Variants in CARMIL1 observed in about 807,000 individuals in gnomAD.
CARMIL1 encodes capping protein regulator and myosin 1 linker 1, also known as F-actin-uncapping protein LRRC16A.
In CARMIL1, 90 loss-of-function variants were observed where a neutral mutation model predicts 177.1. The observed-to-expected ratio is 0.51, with a 90% CI of 0.43 to 0.61. CARMIL1 has a LOEUF of 0.61. Among genes scored for constraint, CARMIL1 ranks in the 20% least tolerant of loss-of-function variants. The probability of loss-of-function intolerance (pLI) is 0.00; values close to 1 mark genes in which losing one functional copy is unlikely to be tolerated. For missense variants in CARMIL1, 1,380 were observed against 1,667.0 expected, an observed-to-expected ratio of 0.83 and a Z score of 3.00; for synonymous variants, 577 against 606.2, an observed-to-expected ratio of 0.95 and a Z score of 0.71.
At chr6:25,405,406 A>G (rs1462316675) in intron 2 of CARMIL1, among the ~76,000 whole-genome samples, 1 of 152,132 alleles carries the variant, frequency 6.6e-6, no homozygotes, top group East Asian at 1.9e-4. Context: ...TTTATTGATT[A>G]TTTAGTTTTG....
At chr6:25,616,186 A>T (rs907392982) in intron 36 of CARMIL1, among the ~76,000 whole-genome samples, 2 of 152,212 alleles carry the variant, frequency 1.3e-5, no homozygotes, top group Admixed American at 1.3e-4. Flanking sequence ...GATTTTTTTC[A>T]TCCTGTATAA....
intron 36 of CARMIL1, 29 bp from the exon 37 acceptor site, chr6:25,619,418 A>G (rs1479307147): frequency 1.9e-6 from 3 of 1,604,588 alleles, no homozygotes; most frequent in Middle Eastern, 1.7e-4. Flanking sequence ...CTTTGTCAGT[A>G]AACTGTGCGA....
chr6:25,400,168 C>A (rs4712929), intron 2 of CARMIL1, among the ~76,000 whole-genome samples: 12,804 of 152,212 alleles, frequency 0.084, 730 homozygotes, highest in Admixed American at 0.12. Flanking sequence ...AGCCTCAATT[C>A]CTTTCTGTCT....
chr6:25,515,928 C>G lies in CARMIL1; in HGVS notation c.1805+81C>G. 2 of 1,415,654 alleles carry G rather than the reference C, an allele frequency of 1.4e-6. No homozygotes were observed. The highest frequency in any genetic ancestry group is 4.5e-5 in the Admixed American group (2 of 44,390). The allele number at this position is 1,415,654 out of a possible 1,614,324, so 87.7% of individuals were successfully genotyped here. On this transcript the variant is annotated intron_variant, in intron 21 of 36. Coordinates refer to ENST00000329474, the MANE Select transcript of CARMIL1 (RefSeq NM_017640.6). This position sits in a 1 kb window ranked among gnomAD's most constrained non-coding sequence, Gnocchi z 5.0. ...AGCAAGCATTGCAGAGCTGCTGGGC[C>G]CGAGGGGACCTGGGCTTCCCATGAG...
rs1406350593 is a variant in CARMIL1, at chr6:25,465,859, G to A, written c.615-14G>A. On this transcript the variant is annotated splice_polypyrimidine_tract_variant and intron_variant, in intron 8 of 36. Coordinates refer to ENST00000329474, the MANE Select transcript of CARMIL1 (RefSeq NM_017640.6). ...TAGGAGCACTTTCATGTACTTTGTTGTTTCTGCTTCCAGGGACCTAATACC... is the reference window on the plus strand; with the variant it reads ...TAGGAGCACTTTCATGTACTTTGTTATTTCTGCTTCCAGGGACCTAATACC... 1 of 1,580,534 alleles carries A rather than the reference G, an allele frequency of 6.3e-7. No individual in the cohort carries two copies. Among genetic ancestry groups the A allele is most frequent in the Non-Finnish European group, 8.7e-7 (1 of 1,150,372 alleles).
intron 32 of CARMIL1, among the ~76,000 whole-genome samples, chr6:25,597,198 G>A (rs760985522): frequency 1.3e-5 from 2 of 152,050 alleles, no homozygotes; most frequent in Admixed American, 6.6e-5. Context: ...ACTCTCTCAA[G>A]AATGTATCCA....
intron 17 of CARMIL1, among the ~76,000 whole-genome samples, chr6:25,501,694 A>AC (rs1804353241): frequency 6.6e-6 from 1 of 151,788 alleles, no homozygotes; most frequent in Admixed American, 6.6e-5. Flanking sequence ...TATTAAATTA[A>AC]CTCCTGTATG....
chr6:25,586,677 G>C (rs1366862362), intron 31 of CARMIL1, among the ~76,000 whole-genome samples: 1 of 152,184 alleles, frequency 6.6e-6, no homozygotes, highest in Non-Finnish European at 1.5e-5. Flanking sequence ...TGAGCATTGA[G>C]TGAGCGAGAC....
chr6:25,451,395 T>C (rs1371140952), intron 8 of CARMIL1, among the ~76,000 whole-genome samples: 2 of 152,228 alleles, frequency 1.3e-5, no homozygotes, highest in Non-Finnish European at 2.9e-5. Flanking sequence ...GAGATATGAC[T>C]TTTAGTTCAG....
intron 2 of CARMIL1, among the ~76,000 whole-genome samples, chr6:25,291,700 T>C (rs1183465227): frequency 6.6e-6 from 1 of 152,226 alleles, no homozygotes; most frequent in Non-Finnish European, 1.5e-5. Flanking sequence ...GATTGTATTT[T>C]GGGAGTTCAT....
intron 11 of CARMIL1, among the ~76,000 whole-genome samples, chr6:25,474,663 A>G (rs1281115750): frequency 6.6e-6 from 1 of 152,234 alleles, no homozygotes; most frequent in African/African-American, 2.4e-5. Flanking sequence ...GACGCATAGT[A>G]ATGGAATAGG....
intron 32 of CARMIL1, among the ~76,000 whole-genome samples, chr6:25,598,277 CA>C (rs1481647619): frequency 6.6e-6 from 1 of 152,040 alleles, no homozygotes; most frequent in Non-Finnish European, 1.5e-5. Flanking sequence ...CTCACTCTGT[CA>C]CCCAGGCTAT....
chr6:25,301,168 T>A (rs1782831172), intron 2 of CARMIL1, among the ~76,000 whole-genome samples: 1 of 152,132 alleles, frequency 6.6e-6, no homozygotes. Context: ...CAGCATGTAT[T>A]GGGAAGAGAT....
Position 25,450,332 on chromosome 6 carries a change from G to GT in CARMIL1, c.470-4dup. ...AGACCTGTCAGTGTTTTTGTTGTAT[G>GT]TTTCAGGTGGATTTTCTCAGATGTA... On this transcript the variant is annotated splice_region_variant and splice_polypyrimidine_tract_variant and intron_variant, in intron 6 of 36. Coordinates refer to ENST00000329474, the MANE Select transcript of CARMIL1 (RefSeq NM_017640.6). 1.9e-6 allele frequency: 3 copies of GT among 1,610,504 alleles called. No homozygotes were observed. Among genetic ancestry groups the GT allele is most frequent in the Non-Finnish European group, 2.5e-6 (3 of 1,177,016 alleles).
At chr6:25,506,208 C>T (rs1353390982) in intron 17 of CARMIL1, among the ~76,000 whole-genome samples, 1 of 152,190 alleles carries the variant, frequency 6.6e-6, no homozygotes, top group Non-Finnish European at 1.5e-5. Context: ...TGACAGGATG[C>T]ATGTATGAAA....
At chr6:25,438,453 A>G (rs1254044877) in intron 5 of CARMIL1, among the ~76,000 whole-genome samples, 1 of 152,218 alleles carries the variant, frequency 6.6e-6, no homozygotes, top group South Asian at 2.1e-4. Flanking sequence ...AGAGAAATAG[A>G]TGGGACTCGT....
At chr6:25,574,690 C>A (rs1453810615) in intron 29 of CARMIL1, among the ~76,000 whole-genome samples, 1 of 152,194 alleles carries the variant, frequency 6.6e-6, no homozygotes, top group Non-Finnish European at 1.5e-5. Flanking sequence ...TAAATGGCAT[C>A]GTACCACGTG....
At chr6:25,369,374 A>AT (rs1364472995) in intron 2 of CARMIL1, among the ~76,000 whole-genome samples, 1,080 of 95,956 alleles carry the variant, frequency 0.011, 16 homozygotes, top group African/African-American at 0.039. Context: ...GCAATGCTGT[A>AT]TTTTGTTTTT....
chr6:25,600,842 C>A, intron 33 of CARMIL1, 96 bp downstream of exon 33: 3 of 1,089,904 alleles, frequency 2.8e-6, no homozygotes, highest in Non-Finnish European at 2.5e-6. Flanking sequence ...GTATGTCTAT[C>A]ACCTTAAACA....
Sources: allele counts gnomAD v4.1 joint callset (sites outside exome capture counted in the v4.1 genomes callset), GRCh38; gene constraint gnomAD v4.1.1; non-coding constraint Gnocchi (gnomAD v3.1); transcripts MANE v1.5; gene names NCBI Gene and HGNC (gene_info 2026-07-23, HGNC 2026-07-21).